The following LARGE1 variants were observed in gnomAD, a reference collection of about 807,000 sequenced individuals.
LARGE1 encodes the protein LARGE xylosyl- and glucuronyltransferase 1, also known as xylosyl- and glucuronyltransferase LARGE1.
In LARGE1, 43 loss-of-function variants were observed where a neutral mutation model predicts 87.6. The observed-to-expected ratio is 0.49, with a 90% CI of 0.38 to 0.63. The LOEUF (loss-of-function observed/expected upper bound fraction) is 0.63. Among genes scored for constraint, LARGE1 ranks in the 30% least tolerant of loss-of-function variants. The pLI is 0.00. For missense variants in LARGE1, 802 were observed against 1,000.2 expected, an observed-to-expected ratio of 0.80 and a Z score of 2.67; for synonymous variants, 434 against 394.6, an observed-to-expected ratio of 1.10 and a Z score of -1.18.
intron 2 of LARGE1, among the ~76,000 whole-genome samples, chr22:33,697,175 T>C (rs1223886460): frequency 6.6e-6 from 1 of 152,114 alleles, no homozygotes; most frequent in Non-Finnish European, 1.5e-5. Flanking sequence ...GGGATGTTAT[T>C]TTCTTTTTGA....
chr22:33,566,117 TA>T (rs1181876002), intron 5 of LARGE1, among the ~76,000 whole-genome samples: 2 of 152,144 alleles, frequency 1.3e-5, no homozygotes, highest in African/African-American at 4.8e-5. Flanking sequence ...GAGATGTTCT[TA>T]AAAAAATTCA....
chr22:33,763,300 A>G (rs1413074559), intron 1 of LARGE1, among the ~76,000 whole-genome samples: 2 of 152,226 alleles, frequency 1.3e-5, no homozygotes, highest in East Asian at 3.8e-4. Context: ...ACAACTGTCA[A>G]TGCTGAGCCT....
intron 7 of LARGE1, among the ~76,000 whole-genome samples, chr22:33,408,005 G>A (rs2066163743): frequency 6.6e-6 from 1 of 150,628 alleles, no homozygotes; most frequent in Non-Finnish European, 1.5e-5. Context: ...TTTTGAGACG[G>A]AGTCTTTTTC....
intron 7 of LARGE1, among the ~76,000 whole-genome samples, chr22:33,392,486 C>G (rs972495205): frequency 5.9e-5 from 9 of 152,086 alleles, no homozygotes; most frequent in African/African-American, 2.2e-4. Flanking sequence ...CGGCAAAACC[C>G]TGTCTCTACT....
chr22:33,171,674 G>A (rs1301478177), intron 11 of LARGE1, among the ~76,000 whole-genome samples: 1 of 152,346 alleles, frequency 6.6e-6, no homozygotes, highest in South Asian at 2.1e-4. Context: ...AGGCCTGAGA[G>A]TGCGCAGAAG....
intron 2 of LARGE1, among the ~76,000 whole-genome samples, chr22:33,661,631 A>G (rs1267468719): frequency 1.3e-5 from 2 of 152,136 alleles, no homozygotes; most frequent in Non-Finnish European, 2.9e-5. Flanking sequence ...CAGACAAATC[A>G]GCAAAGCCCT....
chr22:33,898,294 T>C (rs2065196740), intron 1 of LARGE1, among the ~76,000 whole-genome samples: 1 of 151,612 alleles, frequency 6.6e-6, no homozygotes, highest in African/African-American at 2.4e-5. Flanking sequence ...TGGGCCCAAG[T>C]GCCCCGCCCC....
intron 11 of LARGE1, among the ~76,000 whole-genome samples, chr22:33,247,614 C>G (rs1216969553): frequency 6.6e-6 from 1 of 152,186 alleles, no homozygotes; most frequent in African/African-American, 2.4e-5. Context: ...GTGTTTATGT[C>G]TAATGAAATA....
chr22:33,346,835 T>A (rs1939822122), intron 9 of LARGE1, among the ~76,000 whole-genome samples: 1 of 152,180 alleles, frequency 6.6e-6, no homozygotes, highest in African/African-American at 2.4e-5. Flanking sequence ...AGTCTCTGAT[T>A]TCCCAGACTA....
chr22:33,599,307 A>G (rs924886999), intron 5 of LARGE1, among the ~76,000 whole-genome samples: 1 of 152,206 alleles, frequency 6.6e-6, no homozygotes, highest in Non-Finnish European at 1.5e-5. Flanking sequence ...TCCAACCCCC[A>G]GGGTCATCAT....
intron 11 of LARGE1, among the ~76,000 whole-genome samples, chr22:33,177,736 G>A (rs575181210): frequency 6.6e-6 from 1 of 152,294 alleles, no homozygotes; most frequent in Non-Finnish European, 1.5e-5. Context: ...GTGTGAAAAG[G>A]ATCAACTCAG....
chr22:33,450,828 T>A (rs1274682236), intron 6 of LARGE1, among the ~76,000 whole-genome samples: 1 of 152,150 alleles, frequency 6.6e-6, no homozygotes, highest in Non-Finnish European at 1.5e-5. Flanking sequence ...AGCCACGCAG[T>A]ATCAGCCTGG....
At chr22:33,713,763 C>A (rs140961561) in intron 2 of LARGE1, among the ~76,000 whole-genome samples, 2 of 151,838 alleles carry the variant, frequency 1.3e-5, no homozygotes, top group East Asian at 1.9e-4. Flanking sequence ...TCAAGACCAG[C>A]GTGGGCAACA....
chr22:33,133,637 C>T, the LARGE1 span, among the ~76,000 whole-genome samples: 17 of 152,320 alleles, frequency 1.1e-4, no homozygotes, highest in South Asian at 3.3e-3. Flanking sequence ...CCGCAATAAA[C>T]ATATGTGTGC....
the LARGE1 span, among the ~76,000 whole-genome samples, chr22:33,128,687 A>G: frequency 8.7e-4 from 126 of 145,204 alleles, 2 homozygotes; most frequent in South Asian, 0.027. Flanking sequence ...AAACAAAAAA[A>G]AAAAAAAAAA....
intron 6 of LARGE1, among the ~76,000 whole-genome samples, chr22:33,469,296 A>G (rs1056269597): frequency 2.0e-5 from 3 of 152,224 alleles, no homozygotes; most frequent in African/African-American, 7.2e-5. Flanking sequence ...GCCCATCAAC[A>G]GTAGACTGAA....
chr22:33,350,606 G>A (rs1395935382), intron 9 of LARGE1, among the ~76,000 whole-genome samples: 4 of 152,280 alleles, frequency 2.6e-5, no homozygotes, highest in South Asian at 4.2e-4. Context: ...TAACTTGGCC[G>A]AATTTCAGTC....
intron 8 of LARGE1, among the ~76,000 whole-genome samples, chr22:33,382,836 T>C (rs370415264): frequency 1.3e-5 from 2 of 152,188 alleles, no homozygotes; most frequent in East Asian, 1.9e-4. Context: ...TGGACGATTT[T>C]CCCCTCAGGT....
rs577239623 is a variant in LARGE1 at position 33,359,790 on chromosome 22, T to G, written c.1132-21989A>C. Among the ~76,000 whole-genome samples the G allele has an allele frequency of 6.8e-4, 102 of 149,042 alleles. 8 individuals carry two copies. The highest frequency in any genetic ancestry group is 2.4e-3 in the African/African-American group (99 of 40,550). On this transcript the variant is annotated intron_variant, in intron 9 of 14. Transcript: ENST00000397394. ...TGTGTTAGCCAGGATGGTCTCGATCTCCTGACCTTGTGATCTGCCCGCCTC... is the reference window on the plus strand; with the variant it reads ...TGTGTTAGCCAGGATGGTCTCGATCGCCTGACCTTGTGATCTGCCCGCCTC...
Sources: gnomAD v4.1 joint callset for allele counts (sites outside exome capture counted in the v4.1 genomes callset) on GRCh38, gnomAD v4.1.1 for gene constraint, MANE v1.5 for transcripts, NCBI Gene and HGNC (gene_info 2026-07-23, HGNC 2026-07-21) for gene names.